The following LRBA variants were observed in gnomAD, a reference collection of about 807,000 sequenced individuals.
LRBA encodes the protein LPS responsive beige-like anchor protein.
In LRBA, 176 loss-of-function variants were observed where a neutral mutation model predicts 330.0. The ratio of observed to expected loss-of-function variants is 0.53; its 90% CI spans 0.47 to 0.60. The LOEUF (loss-of-function observed/expected upper bound fraction) is 0.60. Ranked by LOEUF, LRBA falls within the 20% of genes least tolerant of loss-of-function variation. The pLI is 0.00. For synonymous variants in LRBA, 1,230 were observed against 1,193.0 expected (o/e 1.03, Z -0.64); for missense variants, 3,259 against 3,444.8 (o/e 0.95, Z 1.35).
intron 47 of LRBA, among the ~76,000 whole-genome samples, chr4:150,399,764 G>C (rs183016915): frequency 3.7e-4 from 57 of 152,262 alleles, no homozygotes; most frequent in Middle Eastern, 6.8e-3. Flanking sequence ...TTGAGGTCAA[G>C]AGCTGGAGAT....
At chr4:150,456,704 CT>C (rs972831545) in intron 44 of LRBA, among the ~76,000 whole-genome samples, 6 of 152,090 alleles carry the variant, frequency 3.9e-5, no homozygotes, top group Middle Eastern at 6.8e-3. Flanking sequence ...CCCGTTTTTG[CT>C]TTGGTTGCCT....
intron 47 of LRBA, among the ~76,000 whole-genome samples, chr4:150,395,853 T>G (rs903923403): frequency 6.6e-6 from 1 of 152,210 alleles, no homozygotes; most frequent in African/African-American, 2.4e-5. Flanking sequence ...ACATTTTTAA[T>G]CAATTGCTAT....
At chr4:150,291,890 G>A (rs1200803459) in intron 53 of LRBA, among the ~76,000 whole-genome samples, 1 of 152,118 alleles carries the variant, frequency 6.6e-6, no homozygotes, top group Non-Finnish European at 1.5e-5. Flanking sequence ...ATACTATGCA[G>A]CCATAAAAAA....
At chr4:150,805,623 AAGG>A (rs1372075655) in intron 33 of LRBA, among the ~76,000 whole-genome samples, 2 of 144,286 alleles carry the variant, frequency 1.4e-5, no homozygotes, top group Non-Finnish European at 3.0e-5. Context: ...AAGGAAAGGA[AAGG>A]AGAAGGAGAA....
At chr4:150,379,022 A>G (rs573013490) in intron 47 of LRBA, among the ~76,000 whole-genome samples, 17 of 152,292 alleles carry the variant, frequency 1.1e-4, no homozygotes, top group African/African-American at 3.4e-4. Flanking sequence ...AGATCAGGCC[A>G]GGCATGGTGG....
intron 35 of LRBA, among the ~76,000 whole-genome samples, chr4:150,749,383 A>T (rs1733217861): frequency 6.6e-6 from 1 of 152,214 alleles, no homozygotes; most frequent in African/African-American, 2.4e-5. Context: ...CAGCCTGGGC[A>T]ACATAGAGAG....
At chr4:150,839,570 A>C (rs1313920244) in intron 28 of LRBA, among the ~76,000 whole-genome samples, 1 of 152,236 alleles carries the variant, frequency 6.6e-6, no homozygotes, top group Non-Finnish European at 1.5e-5. Flanking sequence ...AAAAAGGATG[A>C]GTTTATATCC....
At chr4:150,328,004 C>A (rs940037402) in intron 48 of LRBA, among the ~76,000 whole-genome samples, 1 of 152,126 alleles carries the variant, frequency 6.6e-6, no homozygotes, top group Non-Finnish European at 1.5e-5. Flanking sequence ...AGGAATTATA[C>A]ACCTGGGTCC....
At chr4:150,823,115 T>C (rs1745707547) in intron 30 of LRBA, among the ~76,000 whole-genome samples, 1 of 152,196 alleles carries the variant, frequency 6.6e-6, no homozygotes. Context: ...ATATAAGCGA[T>C]TTTAACTGGA....
At chr4:150,863,991 T>G (rs1579032377) in intron 22 of LRBA, among the ~76,000 whole-genome samples, 1 of 152,108 alleles carries the variant, frequency 6.6e-6, no homozygotes, top group South Asian at 2.1e-4. Context: ...CAGGCTGGAG[T>G]GCAGTGGTAC....
intron 35 of LRBA, among the ~76,000 whole-genome samples, chr4:150,755,776 G>A (rs756584729): frequency 6.6e-6 from 1 of 151,932 alleles, no homozygotes; most frequent in East Asian, 1.9e-4. Context: ...GCCAGGCACA[G>A]TGGCTCATGC....
At chr4:150,731,088 G>A (rs944869757) in intron 36 of LRBA, among the ~76,000 whole-genome samples, 1 of 152,128 alleles carries the variant, frequency 6.6e-6, no homozygotes, top group African/African-American at 2.4e-5. Flanking sequence ...AAAGTACCAT[G>A]AGATATCATC....
At chr4:150,682,556 A>G (rs1677400061) in intron 37 of LRBA, among the ~76,000 whole-genome samples, 1 of 152,168 alleles carries the variant, frequency 6.6e-6, no homozygotes, top group South Asian at 2.1e-4. Context: ...TTTATTCTAT[A>G]TTAGTGAATA....
chr4:150,512,720 A>G (rs1277990340), intron 40 of LRBA, among the ~76,000 whole-genome samples: 2 of 63,994 alleles, frequency 3.1e-5, no homozygotes, highest in Non-Finnish European at 5.3e-5. Context: ...TTTTTGAGAA[A>G]AAAAAAAAAA....
chr4:150,573,924 A>T (rs1431647245), intron 40 of LRBA, among the ~76,000 whole-genome samples: 1 of 152,154 alleles, frequency 6.6e-6, no homozygotes, highest in East Asian at 1.9e-4. Flanking sequence ...GCTTAGCACA[A>T]TGTCATTTCT....
intron 37 of LRBA, among the ~76,000 whole-genome samples, chr4:150,626,404 T>C (rs1776867060): frequency 6.6e-6 from 1 of 152,224 alleles, no homozygotes; most frequent in Admixed American, 6.5e-5. Context: ...TTTTAATAGC[T>C]TGTTATTAAG....
At chr4:150,736,944 T>C (rs915631659) in intron 35 of LRBA, among the ~76,000 whole-genome samples, 1 of 152,186 alleles carries the variant, frequency 6.6e-6, no homozygotes, top group African/African-American at 2.4e-5. Context: ...GCCAGGCCAG[T>C]GGCTCACACC....
At chr4:150,604,654 A>C (rs928332461) in intron 37 of LRBA, among the ~76,000 whole-genome samples, 6 of 152,196 alleles carry the variant, frequency 3.9e-5, no homozygotes, top group African/African-American at 1.2e-4. Flanking sequence ...GAGCTTTACT[A>C]CATGGCTATT....
chr4:150,502,255 G>A (rs942325874), intron 40 of LRBA, among the ~76,000 whole-genome samples: 1 of 152,184 alleles, frequency 6.6e-6, no homozygotes, highest in Non-Finnish European at 1.5e-5. Flanking sequence ...ACTCAAAAGG[G>A]TTTTGCCACA....
Sources: gnomAD v4.1 joint callset for allele counts (sites outside exome capture counted in the v4.1 genomes callset) on GRCh38, gnomAD v4.1.1 for gene constraint, MANE v1.5 for transcripts, NCBI Gene and HGNC (gene_info 2026-07-23, HGNC 2026-07-21) for gene names.